Variants in MAP1LC3B observed in about 807,000 individuals in gnomAD.
The protein encoded by MAP1LC3B is microtubule associated protein 1 light chain 3 beta.
Under a neutral mutation model 16.7 loss-of-function variants are expected in MAP1LC3B, and 12 were observed. The observed-to-expected ratio is 0.72, with a 90% CI of 0.46 to 1.16. The LOEUF (loss-of-function observed/expected upper bound fraction) is 1.16, where lower values mean the gene tolerates loss of function less well. Among genes scored for constraint, MAP1LC3B ranks in the 50% most tolerant of loss-of-function variants. MAP1LC3B has a pLI of 0.00. For missense variants in MAP1LC3B, 155 were observed against 159.5 expected (o/e 0.97, Z 0.15); for synonymous variants, 63 against 56.5 (o/e 1.11, Z -0.51).
intron 2 of MAP1LC3B, chr16:87,399,875 G>C (rs1244488279): frequency 4.1e-6 from 1 of 241,002 alleles, no homozygotes; most frequent in Non-Finnish European, 8.4e-6. Flanking sequence ...CCAGGTTCAA[G>C]TGATTCTCCT....
intron 1 of MAP1LC3B, among the ~76,000 whole-genome samples, chr16:87,395,497 C>G (rs1051024887): frequency 6.6e-6 from 1 of 152,206 alleles, no homozygotes; most frequent in African/African-American, 2.4e-5. Context: ...ATGCCATTGA[C>G]TGTGCTGTTG....
At position 87,404,335 on chromosome 16, in the gene MAP1LC3B, T is replaced by C. The variant is rs996598164; in HGVS notation, c.*1238T>C. 1.3e-5 allele frequency: 2 copies of C among 152,202 alleles called. No homozygotes were observed. The highest frequency in any genetic ancestry group is 4.8e-5 in the African/African-American group (2 of 41,458). 9.4% of individuals were successfully genotyped at this position (152,202 alleles called of 1,614,324 possible). ...CACAATTACACCACTTTAGACCCTA[T>C]GTGTAGCAGGTCACAACTTACCCTT... is the stretch of plus-strand genomic sequence containing the variant. On this transcript the variant is annotated 3_prime_UTR_variant, in exon 4 of 4. Coordinates refer to ENST00000268607, the MANE Select transcript of MAP1LC3B (RefSeq NM_022818.5).
At chr16:87,396,338 G>A (rs996208060) in intron 1 of MAP1LC3B, among the ~76,000 whole-genome samples, 4 of 151,944 alleles carry the variant, frequency 2.6e-5, no homozygotes, top group Non-Finnish European at 5.9e-5. Flanking sequence ...AGCCGGGCGT[G>A]GTGGCGGGCG....
chr16:87,394,814 T>G (rs1200369935), intron 1 of MAP1LC3B, among the ~76,000 whole-genome samples: 1 of 145,370 alleles, frequency 6.9e-6, no homozygotes, highest in Non-Finnish European at 1.5e-5. Flanking sequence ...GGCTCACACC[T>G]GTAATCCCAG....
intron 1 of MAP1LC3B, among the ~76,000 whole-genome samples, chr16:87,398,180 G>A (rs1425346309): frequency 6.6e-6 from 1 of 151,846 alleles, no homozygotes; most frequent in African/African-American, 2.4e-5. Flanking sequence ...GTGCCATCAC[G>A]CCCGGCTAAT....
intron 1 of MAP1LC3B, among the ~76,000 whole-genome samples, chr16:87,394,477 A>G (rs1242483724): frequency 1.3e-5 from 2 of 152,192 alleles, no homozygotes; most frequent in Non-Finnish European, 2.9e-5. Context: ...GTTAATACTG[A>G]ATATAGCTCT....
At chr16:87,392,510 T>G (rs912838492) in intron 1 of MAP1LC3B, 43 bp downstream of exon 1, 1 of 1,287,608 alleles carries the variant, frequency 7.8e-7, no homozygotes, top group Non-Finnish European at 9.8e-7. Context: ...GGGGCCGGGG[T>G]CCGAGCTGTG....
chr16:87,400,082 T>C (rs1218135757), intron 2 of MAP1LC3B: 1 of 157,782 alleles, frequency 6.3e-6, no homozygotes, highest in Non-Finnish European at 1.4e-5. Context: ...GATGGCTTTA[T>C]TTAAATTCAT....
intron 2 of MAP1LC3B, 70 bp from the exon 3 acceptor site, chr16:87,402,105 G>T: frequency 6.6e-7 from 1 of 1,514,960 alleles, no homozygotes; most frequent in African/African-American, 1.4e-5. Flanking sequence ...AAAATGCTGG[G>T]GTTACAGGTG....
At chr16:87,395,200 G>A (rs1283071301) in intron 1 of MAP1LC3B, among the ~76,000 whole-genome samples, 1 of 152,212 alleles carries the variant, frequency 6.6e-6, no homozygotes, top group African/African-American at 2.4e-5. Flanking sequence ...CCTACCGTTT[G>A]TTTTAATGTT....
chr16:87,402,015 T>G (rs1908011039), intron 2 of MAP1LC3B, among the ~76,000 whole-genome samples, 160 bp from the exon 3 acceptor site: 1 of 152,086 alleles, frequency 6.6e-6, no homozygotes, highest in African/African-American at 2.4e-5. Flanking sequence ...TTTTGTATTT[T>G]TAGTAGAGAT....
At chr16:87,399,446 C>T (rs971699592) in intron 2 of MAP1LC3B, 21 of 313,526 alleles carry the variant, frequency 6.7e-5, no homozygotes, top group African/African-American at 4.2e-4. Flanking sequence ...TCAAACTTAC[C>T]AAGGAAAGTG....
At chr16:87,396,001 C>T (rs1567498976) in intron 1 of MAP1LC3B, among the ~76,000 whole-genome samples, 1 of 151,260 alleles carries the variant, frequency 6.6e-6, no homozygotes, top group East Asian at 2.0e-4. Context: ...GCTGGGATTA[C>T]GGGTGCCCGC....
At chr16:87,395,852 CTTTTTTTTTTTT>C (rs72388667) in intron 1 of MAP1LC3B, among the ~76,000 whole-genome samples, 1 of 53,834 alleles carries the variant, frequency 1.9e-5, no homozygotes, top group Admixed American at 2.9e-4. Context: ...TCCTTCTTTC[CTTTTTTTTTTTT>C]TTTTTTTTTT....
At chr16:87,402,897 T>C in intron 3 of MAP1LC3B, 26 bp from the exon 4 acceptor site, 1 of 1,613,370 alleles carries the variant, frequency 6.2e-7, no homozygotes, top group Non-Finnish European at 8.5e-7. Context: ...TTGTCAATAT[T>C]TCTTCACGTT....
At chr16:87,400,323 G>C (rs932603004) in intron 2 of MAP1LC3B, 3 of 151,460 alleles carry the variant, frequency 2.0e-5, no homozygotes, top group African/African-American at 7.3e-5. Context: ...GACTGCAGGC[G>C]CCCACCACCA....
intron 1 of MAP1LC3B, among the ~76,000 whole-genome samples, chr16:87,398,497 T>A (rs6540044): frequency 0.99 from 150,243 of 152,346 alleles, 74,123 homozygotes; most frequent in East Asian, 1. Context: ...AAGGACTGGG[T>A]CTCATGCAGT....
At chr16:87,400,234 G>C (rs531136236) in intron 2 of MAP1LC3B, 3 of 148,846 alleles carry the variant, frequency 2.0e-5, no homozygotes, top group African/African-American at 7.4e-5. Flanking sequence ...CTGGAGTGCA[G>C]TGGCGTGATC....
chr16:87,394,589 G>A (rs1236287850), intron 1 of MAP1LC3B, among the ~76,000 whole-genome samples: 1 of 152,216 alleles, frequency 6.6e-6, no homozygotes, highest in African/African-American at 2.4e-5. Context: ...GAAACTGGGT[G>A]GGGCCTGGTG....
Sources: gnomAD v4.1 joint callset for allele counts (sites outside exome capture counted in the v4.1 genomes callset) on GRCh38, gnomAD v4.1.1 for gene constraint, MANE v1.5 for transcripts, NCBI Gene and HGNC (gene_info 2026-07-23, HGNC 2026-07-21) for gene names.